QSOX1: variants seen among roughly 807,000 people sequenced by gnomAD.
QSOX1 encodes quiescin sulfhydryl oxidase 1.
Under a neutral mutation model 76.1 loss-of-function variants are expected in QSOX1, and 40 were observed. The ratio of observed to expected loss-of-function variants is 0.53; its 90% CI spans 0.41 to 0.68. The LOEUF (loss-of-function observed/expected upper bound fraction) is 0.68, where lower values mean the gene tolerates loss of function less well. QSOX1 is among the 30% of genes least tolerant of loss of function. QSOX1 has a pLI of 0.00. For synonymous variants in QSOX1, 392 were observed against 413.1 expected, an observed-to-expected ratio of 0.95 and a Z score of 0.62; for missense variants, 931 against 974.3, an observed-to-expected ratio of 0.96 and a Z score of 0.59.
At chr1:180,188,234 C>T (rs1663221181) in intron 8 of QSOX1, among the ~76,000 whole-genome samples, 1 of 152,122 alleles carries the variant, frequency 6.6e-6, no homozygotes, top group Admixed American at 6.5e-5. Context: ...ACTGCTGGCT[C>T]CCCCTGGCTA....
intron 1 of QSOX1, among the ~76,000 whole-genome samples, chr1:180,164,637 G>C (rs548502947): frequency 2.0e-5 from 3 of 152,260 alleles, no homozygotes; most frequent in Non-Finnish European, 2.9e-5. Flanking sequence ...CATCTGTCTC[G>C]TGGAGGTGAG....
At chr1:180,171,455 A>C (rs4147167) in intron 2 of QSOX1, among the ~76,000 whole-genome samples, 1 of 150,336 alleles carries the variant, frequency 6.7e-6, no homozygotes, top group East Asian at 2.0e-4. Context: ...GGGGAGGGGC[A>C]GTATCCAGAC....
Position 180,186,157 on chromosome 1 carries a change from A to G in QSOX1, c.992A>G (p.Lys331Arg), listed in dbSNP as rs1663165470. Residue 331 changes from lysine (K) to arginine (R), a missense_variant, in exon 8 of 12, where the codon AAA becomes AGA. Coordinates refer to ENST00000367602, the MANE Select transcript of QSOX1 (RefSeq NM_002826.5). ...VLEGQRLVAL[K>R]KFVAVLAKYF... ...GAAGGGCAGCGCCTGGTGGCCCTGA[A>G]AAAGTTTGTGGCAGTGCTGGCCAAG... is the stretch of plus-strand genomic sequence containing the variant. 1 of 1,613,844 alleles carries G rather than the reference A, an allele frequency of 6.2e-7. No homozygotes were observed. Among genetic ancestry groups the G allele is most frequent in the East Asian group, 2.2e-5 (1 of 44,884 alleles).
chr1:180,189,460 G>A (rs1301238633), intron 8 of QSOX1, 92 bp from the exon 9 acceptor site: 8 of 134,276 alleles, frequency 6.0e-5, no homozygotes, highest in Non-Finnish European at 7.5e-5. Flanking sequence ...CCCGCCCCCC[G>A]CCTTCTTCTG....
At chr1:180,157,836 T>C (rs1662407177) in intron 1 of QSOX1, among the ~76,000 whole-genome samples, 3 of 152,160 alleles carry the variant, frequency 2.0e-5, no homozygotes, top group Admixed American at 2.0e-4. Context: ...TGCATTGCAG[T>C]TGGGGAAATG....
At chr1:180,175,509 T>G in intron 3 of QSOX1, 143 bp downstream of exon 3, 1 of 886,222 alleles carries the variant, frequency 1.1e-6, no homozygotes, top group Non-Finnish European at 1.9e-6. Context: ...CTAACTTGTG[T>G]CTTCCCAAAA....
At chr1:180,167,002 G>GC (rs2149231935) in intron 2 of QSOX1, among the ~76,000 whole-genome samples, 1 of 152,352 alleles carries the variant, frequency 6.6e-6, no homozygotes, top group South Asian at 2.1e-4. Flanking sequence ...GAATGTCAGT[G>GC]CCTCAGGCAG....
intron 5 of QSOX1, among the ~76,000 whole-genome samples, chr1:180,180,956 A>G (rs929182961): frequency 6.6e-6 from 1 of 152,076 alleles, no homozygotes; most frequent in African/African-American, 2.4e-5. Context: ...TGTTATTATT[A>G]TTTTGCAAGT....
intron 6 of QSOX1, among the ~76,000 whole-genome samples, chr1:180,183,436 T>G (rs2149238916): frequency 6.6e-6 from 1 of 152,338 alleles, no homozygotes; most frequent in Admixed American, 6.5e-5. Context: ...TTGCTACCTG[T>G]TTTTTGAAAA....
At chr1:180,183,316 G>A (rs1663085525) in intron 6 of QSOX1, among the ~76,000 whole-genome samples, 1 of 152,132 alleles carries the variant, frequency 6.6e-6, no homozygotes, top group East Asian at 1.9e-4. Context: ...GAGGGAATAT[G>A]CACTCAGGAG....
Position 180,154,897 on chromosome 1 carries a change from C to T in QSOX1, c.-11C>T. On this transcript the variant is annotated 5_prime_UTR_variant, in exon 1 of 12. Coordinates refer to ENST00000367602, the MANE Select transcript of QSOX1 (RefSeq NM_002826.5). Reference sequence around the variant, plus strand: ...CGGTGCTTGCGTGTGGTGGTGAGCGCAGCGCCGAGGATGAGGAGGTGCAAC... The same window carrying T: ...CGGTGCTTGCGTGTGGTGGTGAGCGTAGCGCCGAGGATGAGGAGGTGCAAC... The T allele has an allele frequency of 1.4e-6, 2 of 1,427,020 alleles. No individual in the cohort carries two copies. Among genetic ancestry groups the T allele is most frequent in the Non-Finnish European group, 1.8e-6 (2 of 1,098,756 alleles). 88.4% of individuals were successfully genotyped at this position (1,427,020 alleles called of 1,614,324 possible).
chr1:180,181,275 G>T (rs1275800041), intron 5 of QSOX1, among the ~76,000 whole-genome samples: 4 of 152,172 alleles, frequency 2.6e-5, no homozygotes, highest in Non-Finnish European at 5.9e-5. Flanking sequence ...CCTGCTCCAT[G>T]GTGAAGAGTG....
At chr1:180,155,298 C>A in intron 1 of QSOX1, 126 bp downstream of exon 1, 1 of 888,164 alleles carries the variant, frequency 1.1e-6, no homozygotes, top group South Asian at 1.9e-5. Flanking sequence ...CTCTTCCTCT[C>A]CGCGCATCCC....
Position 180,154,921 on chromosome 1 carries a change from A to G in QSOX1, c.14A>G (p.Asn5Ser), listed in dbSNP as rs1662334989. ...GCAGCGCCGAGGATGAGGAGGTGCA[A>G]CAGCGGCTCCGGGCCGCCGCCGTCG... The part of the protein sequence containing the change: MRRC[N>S]SGSGPPPSLL... The change falls in exon 1 of 12, where the codon AAC (asparagine) becomes AGC (serine). Residue 5 changes from asparagine to serine, a missense_variant. Coordinates refer to ENST00000367602, the MANE Select transcript of QSOX1 (RefSeq NM_002826.5). 3 of 1,463,826 alleles carry G rather than the reference A, an allele frequency of 2.0e-6. No homozygotes were observed. Among genetic ancestry groups the G allele is most frequent in the East Asian group, 5.7e-5 (2 of 34,980 alleles). 90.7% of individuals were successfully genotyped at this position (1,463,826 alleles called of 1,614,324 possible). A position where few individuals can be genotyped will look rare whatever the true frequency, so the allele number is the denominator to read the frequency against.
rs2149241534 is a variant in QSOX1, at chr1:180,189,808, T to C, written c.1140+134T>C. The C allele has an allele frequency of 1.6e-5, 16 of 986,574 alleles. No individual in the cohort carries two copies. The South Asian group carries it at 2.6e-4, about 16-fold the overall frequency. 61.1% of individuals were successfully genotyped at this position (986,574 alleles called of 1,614,324 possible). On this transcript the variant is annotated intron_variant, in intron 9 of 11. Transcript: ENST00000367602. ...AGTGATCTTCGTTGGGTCCTAACAA[T>C]AATCAATAAATGACTATTGATTGAG...
intron 10 of QSOX1, 116 bp downstream of exon 10, chr1:180,190,696 G>A (rs1275887376): frequency 7.7e-7 from 1 of 1,299,530 alleles, no homozygotes; most frequent in East Asian, 2.3e-5. Context: ...CCAGCTGCCA[G>A]AAGATGGGGA....
At chr1:180,164,148 C>T (rs770365348) in intron 1 of QSOX1, among the ~76,000 whole-genome samples, 1 of 152,202 alleles carries the variant, frequency 6.6e-6, no homozygotes, top group African/African-American at 2.4e-5. Context: ...TGGCATGCAA[C>T]AGGCCCTGAC....
At chr1:180,176,265 G>T (rs1662889589) in intron 4 of QSOX1, among the ~76,000 whole-genome samples, 1 of 152,218 alleles carries the variant, frequency 6.6e-6, no homozygotes, top group Non-Finnish European at 1.5e-5. Flanking sequence ...TTTTTCTGGG[G>T]CTGACTGATG....
rs369019184 is a variant in QSOX1 at position 180,184,060 on chromosome 1, C to T, written c.887+10C>T. ...GGAAATTGGCAGATCGGTAAGGCTACGCCTGGTTCTCCTCACTTCTTCTCC... is the reference window on the plus strand; with the variant it reads ...GGAAATTGGCAGATCGGTAAGGCTATGCCTGGTTCTCCTCACTTCTTCTCC... On this transcript the variant is annotated intron_variant, in intron 7 of 11. Transcript: ENST00000367602. The T allele has an allele frequency of 5.2e-5, 84 of 1,613,718 alleles. No individual in the cohort carries two copies. The highest frequency in any genetic ancestry group is 4.9e-4 in the African/African-American group (37 of 74,936).
Sources: allele counts gnomAD v4.1 joint callset (sites outside exome capture counted in the v4.1 genomes callset), GRCh38; gene constraint gnomAD v4.1.1; transcripts MANE v1.5; gene names NCBI Gene and HGNC (gene_info 2026-07-23, HGNC 2026-07-21).